Variants in KDM4A observed in about 807,000 individuals in gnomAD.
KDM4A encodes the protein lysine demethylase 4A, also known as lysine-specific demethylase 4A.
A neutral mutation model predicts 127.1 loss-of-function variants in KDM4A; 23 were observed. That is an observed-to-expected ratio of 0.18 (90% CI 0.13 to 0.26). The LOEUF is 0.26. Among genes scored for constraint, KDM4A ranks in the 10% least tolerant of loss-of-function variants. KDM4A has a pLI of 1.00. For synonymous variants in KDM4A, 443 were observed against 466.5 expected, an observed-to-expected ratio of 0.95 and a Z score of 0.65; for missense variants, 890 against 1,329.1, an observed-to-expected ratio of 0.67 and a Z score of 5.14.
chr1:43,690,776 T>C (rs929250319), intron 13 of KDM4A, 69 bp from the exon 14 acceptor site: 2 of 1,398,714 alleles, frequency 1.4e-6, no homozygotes, highest in Non-Finnish European at 1.0e-6. Flanking sequence ...TTTCTGCTGA[T>C]AGAGCAGGTG....
At chr1:43,702,250 A>G (rs967177120) in intron 19 of KDM4A, 2 of 152,250 alleles carry the variant, frequency 1.3e-5, no homozygotes, top group Non-Finnish European at 2.9e-5. Flanking sequence ...AGGAGGTGGA[A>G]CTGAATTGCA....
intron 20 of KDM4A, 136 bp downstream of exon 20, chr1:43,703,872 G>A (rs1428192623): frequency 5.1e-6 from 7 of 1,366,198 alleles, no homozygotes; most frequent in Non-Finnish European, 6.1e-6. Context: ...GGTCTGCCCT[G>A]TTTCCAGTCT....
chr1:43,663,205 G>T, intron 5 of KDM4A, 118 bp downstream of exon 5: 1 of 852,860 alleles, frequency 1.2e-6, no homozygotes. Flanking sequence ...CAGGCTTGGG[G>T]TGACATTCCA....
chr1:43,691,054 G>C lies in KDM4A; in HGVS notation c.2242+5G>C. The C allele has an allele frequency of 6.2e-7, 1 of 1,613,740 alleles. No individual in the cohort carries two copies. ...GCAGCGTCCGGGTCCATGCCAGTGA[G>C]TGCTGCTCACCTTTCTCTGTGTCCT... On this transcript the variant is annotated splice_donor_5th_base_variant and intron_variant, in intron 14 of 21. Coordinates refer to ENST00000372396, the MANE Select transcript of KDM4A (RefSeq NM_014663.3).
chr1:43,668,046 C>T, intron 9 of KDM4A, 27 bp downstream of exon 9: 2 of 1,612,042 alleles, frequency 1.2e-6, no homozygotes, highest in Non-Finnish European at 1.7e-6. Context: ...TTTGTCCTGG[C>T]TGCGTGAGGG....
Position 43,703,599 on chromosome 1 carries a change from T to A in KDM4A, c.2842-18T>A, listed in dbSNP as rs545598815. 6.2e-7 allele frequency: 1 copy of A among 1,613,360 alleles called. No individual in the cohort carries two copies. Among genetic ancestry groups the A allele is most frequent in the Non-Finnish European group, 8.5e-7 (1 of 1,179,672 alleles). Reference sequence around the variant, plus strand: ...AGGTGGACGTTCCTTTCACCCTCCTTCCTTCCTGTTTCCTCAGAGCCAGGA... The same window carrying A: ...AGGTGGACGTTCCTTTCACCCTCCTACCTTCCTGTTTCCTCAGAGCCAGGA... On this transcript the variant is annotated intron_variant, in intron 19 of 21. Coordinates refer to ENST00000372396, the MANE Select transcript of KDM4A (RefSeq NM_014663.3).
At chr1:43,656,958 A>C (rs528893035) in intron 3 of KDM4A, among the ~76,000 whole-genome samples, 90 of 151,868 alleles carry the variant, frequency 5.9e-4, no homozygotes, top group African/African-American at 2.1e-3. Flanking sequence ...GTTGGAGTGT[A>C]GTGGTGCAAT....
intron 9 of KDM4A, 122 bp downstream of exon 9, chr1:43,668,141 T>A: frequency 7.4e-7 from 1 of 1,350,914 alleles, no homozygotes; most frequent in Non-Finnish European, 1.0e-6. Flanking sequence ...TTTGTTTTTG[T>A]TTTTGATGGA....
intron 11 of KDM4A, among the ~76,000 whole-genome samples, chr1:43,680,325 T>G (rs1660829557): frequency 6.6e-6 from 1 of 152,152 alleles, no homozygotes; most frequent in African/African-American, 2.4e-5. Flanking sequence ...CACCGTATAC[T>G]GGGTATATAA....
chr1:43,678,238 GGGT>G (rs999589691), intron 11 of KDM4A, among the ~76,000 whole-genome samples: 4 of 152,110 alleles, frequency 2.6e-5, no homozygotes, highest in African/African-American at 9.7e-5. Flanking sequence ...CTTGAAGCTG[GGGT>G]GGGAGGGTTG....
At chr1:43,685,416 C>G (rs950894311) in intron 12 of KDM4A, among the ~76,000 whole-genome samples, 9 of 151,814 alleles carry the variant, frequency 5.9e-5, no homozygotes, top group African/African-American at 2.2e-4. Context: ...CTACCTGGTC[C>G]TCTCCTTCCT....
chr1:43,671,701 T>C lies in KDM4A; in HGVS notation c.1560T>C (p.Ser520=). The change falls in exon 11 of 22, where the codon TCT becomes TCC. Residue 520 remains serine (S), a synonymous_variant. Coordinates refer to ENST00000372396, the MANE Select transcript of KDM4A (RefSeq NM_014663.3). ...TGGGCTCTGGCTCTTCACGGGATTC[T>C]ATCTCTTCTGATTCAGAAACTAGTG... ...SSLGSGSSRD[S]ISSDSETSEP... is the part of the protein sequence containing the mutation. 6.2e-7 allele frequency: 1 copy of C among 1,613,368 alleles called. No individual in the cohort carries two copies. Among genetic ancestry groups the C allele is most frequent in the Non-Finnish European group, 8.5e-7 (1 of 1,179,774 alleles).
intron 11 of KDM4A, among the ~76,000 whole-genome samples, chr1:43,675,445 GT>G (rs1286375638): frequency 6.6e-6 from 1 of 152,252 alleles, no homozygotes; most frequent in Non-Finnish European, 1.5e-5. Flanking sequence ...GAAGGAAACA[GT>G]TTAGGCCTGA....
chr1:43,666,644 G>C, intron 7 of KDM4A, 89 bp downstream of exon 7: 1 of 1,058,638 alleles, frequency 9.4e-7, no homozygotes. Context: ...ACTATACCAA[G>C]AGGGGGCCAA....
At chr1:43,689,142 G>C (rs368810418) in intron 13 of KDM4A, 47 bp downstream of exon 13, 1 of 1,582,760 alleles carries the variant, frequency 6.3e-7, no homozygotes, top group Non-Finnish European at 8.6e-7. Context: ...AGCAATCATA[G>C]GGAAGCTAGA....
chr1:43,674,814 A>G (rs927261832), intron 11 of KDM4A, among the ~76,000 whole-genome samples: 3 of 151,932 alleles, frequency 2.0e-5, no homozygotes, highest in African/African-American at 7.3e-5. Flanking sequence ...TGGCCTACTC[A>G]TTTACTCTTG....
intron 19 of KDM4A, 81 bp downstream of exon 19, chr1:43,698,094 G>C (rs1304089625): frequency 2.3e-5 from 31 of 1,375,082 alleles, no homozygotes; most frequent in Non-Finnish European, 2.9e-5. Flanking sequence ...GTGTGTGTAT[G>C]CCTGCTTCTT....
chr1:43,669,197 A>T lies in KDM4A; in HGVS notation c.1261A>T (p.Ser421Cys). The T allele has an allele frequency of 6.2e-7, 1 of 1,614,204 alleles. No homozygotes were observed. The highest frequency in any genetic ancestry group is 8.5e-7 in the Non-Finnish European group (1 of 1,180,038). ...TGAGCTCTTCCCCAAGGAGGATCTG[A>T]GTTCTGAGCAGTATGAGATGACGGA... is the stretch of plus-strand genomic sequence containing the variant. ...QSELFPKEDL[S>C]SEQYEMTECP... The change falls in exon 10 of 22, where the codon AGT becomes TGT. Residue 421 changes from serine to cysteine, a missense_variant. By Grantham distance (112) the Ser-to-Cys change is moderately radical (BLOSUM62 -1). Around this residue, in one of 7 missense-constraint regions of KDM4A, gnomAD observed 389 missense variants for 485.9 expected, o/e 0.80. Coordinates refer to ENST00000372396, the MANE Select transcript of KDM4A (RefSeq NM_014663.3).
At chr1:43,655,043 G>A (rs1660208279) in intron 2 of KDM4A, among the ~76,000 whole-genome samples, 1 of 152,048 alleles carries the variant, frequency 6.6e-6, no homozygotes, top group African/African-American at 2.4e-5. Flanking sequence ...TAGAGATGGG[G>A]TTTCACCATG....
Sources: gnomAD v4.1 joint callset for allele counts (sites outside exome capture counted in the v4.1 genomes callset) on GRCh38, gnomAD v4.1.1 for gene constraint, gnomAD v4.1.1 regional missense constraint, MANE v1.5 for transcripts, NCBI Gene and HGNC (gene_info 2026-07-23, HGNC 2026-07-21) for gene names.